KDM5D: variants seen among roughly 807,000 people sequenced by gnomAD.
KDM5D encodes lysine demethylase 5D, also known as lysine-specific demethylase 5D.
In KDM5D, 25 loss-of-function variants were observed where a neutral mutation model predicts 31.9. That is an observed-to-expected ratio of 0.78 (90% confidence interval 0.57 to 1.09). KDM5D has a LOEUF of 1.09. Ranked by LOEUF, KDM5D falls within the 50% of genes least tolerant of loss-of-function variation. The pLI, the probability that KDM5D is intolerant of heterozygous loss-of-function variation, is 0.00. For missense variants in KDM5D, 366 were observed against 341.6 expected (o/e 1.07, Z -0.56); for synonymous variants, 146 against 122.3 (o/e 1.19, Z -1.28).
Position 19,709,437 on chromosome Y carries a change from A to T in KDM5D, c.2942+14T>A. The T allele has an allele frequency of 5.0e-6, 2 of 398,322 alleles. No homozygotes were observed. The highest frequency in any genetic ancestry group is 7.1e-6 in the Non-Finnish European group (2 of 283,106). ...TTATAGTCAAGATACAGACAGGGAG[A>T]GACTACGCCCCACCTGGCCTCCAGG... On this transcript the variant is annotated intron_variant, in intron 20 of 26. Transcript: ENST00000317961.
At chrY:19,708,466 T>C (rs1343495531) in intron 21 of KDM5D, 43 bp from the exon 22 acceptor site, 1 of 288,652 alleles carries the variant, frequency 3.5e-6, no homozygotes, top group Admixed American at 1.0e-4. Flanking sequence ...ATGTCAACAA[T>C]ATTGTGTCTA....
At chrY:19,729,212 C>T (rs2045455895) in intron 11 of KDM5D, among the ~76,000 whole-genome samples, 1 of 30,815 alleles carries the variant, frequency 3.2e-5, no homozygotes, top group Non-Finnish European at 7.8e-5. Context: ...GAGACTGCGT[C>T]TCAAAAAAAA....
In KDM5D at chrY:19,707,764, G is replaced by C; in HGVS notation, c.3400-18C>G. ...GCCACAATCTGCCATATCCAGAAGA[G>C]GGGGAAAGTAGGTCAGCAGTCCACC... On this transcript the variant is annotated intron_variant, in intron 23 of 26. Transcript: ENST00000317961. The C allele has an allele frequency of 2.5e-6, 1 of 395,463 alleles. No individual in the cohort carries two copies. Among genetic ancestry groups the C allele is most frequent in the African/African-American group, 6.1e-5 (1 of 16,274 alleles).
At chrY:19,736,512 A>T (rs2045513221) in intron 6 of KDM5D, among the ~76,000 whole-genome samples, 1 of 32,700 alleles carries the variant, frequency 3.1e-5, no homozygotes, top group Non-Finnish European at 7.5e-5. Flanking sequence ...AGAAACGTAT[A>T]TTGCATTACG....
At chrY:19,714,365 G>A (rs905372414) in intron 18 of KDM5D, among the ~76,000 whole-genome samples, 5 of 33,412 alleles carry the variant, frequency 1.5e-4, no homozygotes, top group Non-Finnish European at 3.7e-4. Context: ...TTAAGATACC[G>A]TTATATAAAT....
Position 19,705,921 on chromosome Y carries a change from G to A in KDM5D, c.*74C>T. ...AGATAAGCAAAAAGCTCCTTCTGAGGTCCAGGCCAGGAGATAGTAGGATTT... is the reference window on the plus strand; with the variant it reads ...AGATAAGCAAAAAGCTCCTTCTGAGATCCAGGCCAGGAGATAGTAGGATTT... On this transcript the variant is annotated 3_prime_UTR_variant, in exon 27 of 27. Coordinates refer to ENST00000317961, the MANE Select transcript of KDM5D (RefSeq NM_004653.5). 4.4e-6 allele frequency: 1 copy of A among 226,358 alleles called. No homozygotes were observed. The highest frequency in any genetic ancestry group is 7.1e-6 in the Non-Finnish European group (1 of 140,346). 56.5% of individuals were successfully genotyped at this position (226,358 alleles called of 400,897 possible).
At chrY:19,731,184 C>T in intron 11 of KDM5D, among the ~76,000 whole-genome samples, 1 of 33,317 alleles carries the variant, frequency 3.0e-5, no homozygotes, top group Non-Finnish European at 7.4e-5. Context: ...TGCATAAGGA[C>T]GGCTACATTT....
At chrY:19,712,047 T>C (rs2045301998) in intron 18 of KDM5D, among the ~76,000 whole-genome samples, 1 of 33,736 alleles carries the variant, frequency 3.0e-5, no homozygotes, top group Non-Finnish European at 7.3e-5. Flanking sequence ...ACTTATATTC[T>C]CAAGTAGAAA....
Position 19,729,140 on chromosome Y carries a change from G to A in KDM5D, c.1371+2632C>T, listed in dbSNP as rs906186533. On this transcript the variant is annotated intron_variant, in intron 11 of 26. Transcript: ENST00000317961. ...AGAGGCAGGAGAATTGCTTGAACCT[G>A]GGAGGTGGAGGTTGCAGTGAGGGAA... 9.3e-5 allele frequency among the ~76,000 whole-genome samples: 3 copies of A among 32,362 alleles called. No individual in the cohort carries two copies. In the East Asian group the frequency reaches 2.4e-3, roughly 26 times the overall value. 86.8% of individuals were successfully genotyped at this position (32,362 alleles called of 37,273 possible). A position where few individuals can be genotyped will look rare whatever the true frequency, so the allele number is the denominator to read the frequency against.
rs748518487 is a variant in KDM5D at position 19,721,139 on chromosome Y, T to C, written c.1544A>G (p.Tyr515Cys). 2.5e-6 allele frequency: 1 copy of C among 396,433 alleles called. No homozygotes were observed. The highest frequency in any genetic ancestry group is 6.4e-5 in the African/African-American group (1 of 15,552). Reference protein sequence around the residue: ...IEDHWSYSINYLHWGEPKTWY... With the variant: ...IEDHWSYSINCLHWGEPKTWY... ...TTGGGGTCATGCTCACCAATGCAGA[T>C]AGTTAATAGAGTAACTCCAGTGATC... The change falls in exon 12 of 27, where the codon TAT becomes TGT. Residue 515 changes from tyrosine to cysteine, a missense_variant. Tyr to Cys is a radical substitution (Grantham distance 194, BLOSUM62 -2). Transcript: ENST00000317961.
intron 13 of KDM5D, among the ~76,000 whole-genome samples, chrY:19,719,742 C>T (rs903732703): frequency 5.2e-4 from 17 of 32,851 alleles, no homozygotes; most frequent in East Asian, 1.6e-3. Context: ...ACAACATAGT[C>T]GAACCAACAA....
At chrY:19,734,091 C>G in intron 8 of KDM5D, among the ~76,000 whole-genome samples, 7 of 33,401 alleles carry the variant, frequency 2.1e-4, no homozygotes, top group Admixed American at 1.9e-3. Context: ...CCAGAACTGG[C>G]ATCCAATACT....
Position 19,721,203 on chromosome Y carries a change from C to T in KDM5D, c.1480G>A (p.Val494Met). Residue 494 changes from valine to methionine, a missense_variant, in exon 12 of 27, where the codon GTG becomes ATG. Coordinates refer to ENST00000317961, the MANE Select transcript of KDM5D (RefSeq NM_004653.5). ...CAAAATGCTGAGAAAACCATGCCCA[C>T]GTACAGCCAGGGCACCTTCATGCCT... ...ISGMKVPWLYVGMVFSAFCWH... is the reference protein window; with the variant it reads ...ISGMKVPWLYMGMVFSAFCWH... The T allele has an allele frequency of 5.0e-6, 2 of 397,618 alleles. No individual in the cohort carries two copies. The highest frequency in any genetic ancestry group is 7.1e-6 in the Non-Finnish European group (2 of 282,575).
At chrY:19,744,283 G>C in intron 2 of KDM5D, 102 bp downstream of exon 2, 1 of 213,758 alleles carries the variant, frequency 4.7e-6, no homozygotes, top group Non-Finnish European at 7.9e-6. Context: ...TGGTGCTAAG[G>C]GTTTCTGGTC....
At position 19,707,381 on chromosome Y, in the gene KDM5D, C is replaced by A; in HGVS notation, c.3765G>T (p.Leu1255=). 1 of 397,331 alleles carries A rather than the reference C, an allele frequency of 2.5e-6. No homozygotes were observed. The highest frequency in any genetic ancestry group is 3.5e-6 in the Non-Finnish European group (1 of 282,604). ...CCTCACCCTCAGGCAGCCGCACGGG[C>A]AGCCTCTGCAGGGCAACCAGCAAGG... The part of the protein sequence containing the change: ...ILALLVALQR[L]PVRLPEGEAL... The change falls in exon 24 of 27, where the codon CTG becomes CTT. Residue 1255 remains leucine, a synonymous_variant. Coordinates refer to ENST00000317961, the MANE Select transcript of KDM5D (RefSeq NM_004653.5).
intron 8 of KDM5D, among the ~76,000 whole-genome samples, chrY:19,734,908 A>G: frequency 3.1e-5 from 1 of 32,615 alleles, no homozygotes; most frequent in Non-Finnish European, 7.5e-5. Context: ...AGTGAGATGT[A>G]GAAAGAATAA....
Position 19,707,407 on chromosome Y carries a change from C to T in KDM5D, c.3739G>A (p.Ala1247Thr). 2.5e-6 allele frequency: 1 copy of T among 396,931 alleles called. No homozygotes were observed. Among genetic ancestry groups the T allele is most frequent in the Non-Finnish European group, 3.5e-6 (1 of 282,371 alleles). Reference sequence around the variant, plus strand: ...AGCCTCTGCAGGGCAACCAGCAAGGCTAGGATTGTCTCTAGGCGTGGCCGT... The same window carrying T: ...AGCCTCTGCAGGGCAACCAGCAAGGTTAGGATTGTCTCTAGGCGTGGCCGT... ...SRRPRLETIL[A>T]LLVALQRLPV... Residue 1247 changes from alanine to threonine, a missense_variant, in exon 24 of 27, where the codon GCC becomes ACC. By Grantham distance (58) the Ala-to-Thr change is moderately conservative (BLOSUM62 0). Coordinates refer to ENST00000317961, the MANE Select transcript of KDM5D (RefSeq NM_004653.5).
In KDM5D at chrY:19,725,375, C is replaced by A. The variant is rs768791161; in HGVS notation, c.1372-4064G>T. Reference sequence around the variant, plus strand: ...GTACCAAAACAGATATACAGACCAACTGAACAGAAGAGAGGCCTCAGAAAT... The same window carrying A: ...GTACCAAAACAGATATACAGACCAAATGAACAGAAGAGAGGCCTCAGAAAT... On this transcript the variant is annotated intron_variant, in intron 11 of 26. Transcript: ENST00000317961. Among the ~76,000 whole-genome samples the A allele has an allele frequency of 5.4e-4, 18 of 33,294 alleles. No homozygotes were observed. The East Asian group carries it at 0.012, about 22-fold the overall frequency. The allele number at this position is 33,294 out of a possible 37,273, so 89.3% of individuals were successfully genotyped here.
intron 11 of KDM5D, among the ~76,000 whole-genome samples, chrY:19,724,497 C>T: frequency 3.0e-5 from 1 of 33,169 alleles, no homozygotes; most frequent in African/African-American, 1.2e-4. Context: ...CAGAAAAGGC[C>T]TTCAACAAAA....
Sources: allele counts gnomAD v4.1 joint callset (sites outside exome capture counted in the v4.1 genomes callset), GRCh38; gene constraint gnomAD v4.1.1; transcripts MANE v1.5; gene names NCBI Gene and HGNC (gene_info 2026-07-23, HGNC 2026-07-21).